The following DUOXA2 variants were observed in gnomAD, a reference collection of about 807,000 sequenced individuals.
DUOXA2 encodes dual oxidase maturation factor 2.
DUOXA2 carries 22 observed loss-of-function variants against 27.6 expected under a neutral mutation model. The observed-to-expected ratio is 0.80, with a 90% CI of 0.57 to 1.14. DUOXA2 has a LOEUF of 1.14. Among genes scored for constraint, DUOXA2 ranks in the 50% most tolerant of loss-of-function variants. The probability of loss-of-function intolerance (pLI) is 0.00; values close to 1 mark genes in which losing one functional copy is unlikely to be tolerated. For missense variants in DUOXA2, 481 were observed against 419.9 expected (o/e 1.15, Z -1.27); for synonymous variants, 188 against 184.4 (o/e 1.02, Z -0.16).
At position 45,117,223 on chromosome 15, in the gene DUOXA2, C is replaced by A. The variant is rs750248863; in HGVS notation, c.687C>A (p.Ser229Arg). The A allele has an allele frequency of 1.2e-6, 2 of 1,610,228 alleles. No individual in the cohort carries two copies. The highest frequency in any genetic ancestry group is 3.3e-5 in the Admixed American group (2 of 59,992). ...TCTTCGCCTTGGCCTCCATCTCTAGCGTGCCGCTCTGCCCGCTCCGCCTAG... is the reference window on the plus strand; with the variant it reads ...TCTTCGCCTTGGCCTCCATCTCTAGAGTGCCGCTCTGCCCGCTCCGCCTAG... The part of the protein sequence containing the change: ...FGVFALASIS[S>R]VPLCPLRLGS... The change falls in exon 5 of 6, where the codon AGC (serine) becomes AGA (arginine). Residue 229 changes from serine to arginine, a missense_variant. Transcript: ENST00000323030.
chr15:45,116,871 GT>G, intron 4 of DUOXA2, 142 bp downstream of exon 4: 1 of 1,056,530 alleles, frequency 9.5e-7, no homozygotes, highest in Non-Finnish European at 1.3e-6. Context: ...AGCCTCGCGG[GT>G]TAGAAGATCC....
chr15:45,117,292 C>A lies in DUOXA2; in HGVS notation c.756C>A (p.Val252=). The A allele has an allele frequency of 1.3e-6, 2 of 1,597,478 alleles. No individual in the cohort carries two copies. The highest frequency in any genetic ancestry group is 8.5e-7 in the Non-Finnish European group (1 of 1,169,856). Residue 252 remains valine, a synonymous_variant, in exon 5 of 6, where the codon GTC becomes GTA. Transcript: ENST00000323030. The part of the protein sequence containing the change: ...LTTQYGAAFW[V]TLATGVLCLF... ...CTCAGTACGGCGCCGCCTTCTGGGTCACGCTGGCAACCGGTGAGGACCGAG... is the reference window on the plus strand; with the variant it reads ...CTCAGTACGGCGCCGCCTTCTGGGTAACGCTGGCAACCGGTGAGGACCGAG...
chr15:45,116,355 G>A lies in DUOXA2; in HGVS notation c.340+97G>A, dbSNP rs2141165565. On this transcript the variant is annotated intron_variant, in intron 3 of 5. Coordinates refer to ENST00000323030, the MANE Select transcript of DUOXA2 (RefSeq NM_207581.4). ...CTGGAGGGCCTCTCACATCCCACAA[G>A]CTCAAATAGCTTGTGGTCCTCGTGG... 6 of 1,581,990 alleles carry A rather than the reference G, an allele frequency of 3.8e-6. No individual in the cohort carries two copies. In the East Asian group the frequency reaches 1.3e-4, roughly 36 times the overall value.
At chr15:45,116,787 T>A in intron 4 of DUOXA2, 58 bp downstream of exon 4, 2 of 1,584,552 alleles carry the variant, frequency 1.3e-6, no homozygotes, top group Non-Finnish European at 8.6e-7. Flanking sequence ...CTGGGCCGTA[T>A]GAGCGGGAGG....
intron 5 of DUOXA2, 47 bp from the exon 6 acceptor site, chr15:45,117,669 G>T: frequency 1.2e-6 from 2 of 1,613,838 alleles, no homozygotes; most frequent in African/African-American, 2.7e-5. Context: ...GGGCAACATA[G>T]CCCTGACTCC....
At chr15:45,116,069 T>C in intron 2 of DUOXA2, 55 bp from the exon 3 acceptor site, 2 of 1,612,994 alleles carry the variant, frequency 1.2e-6, no homozygotes, top group Non-Finnish European at 1.7e-6. Context: ...CATACCACTC[T>C]CTAATTCCAT....
In DUOXA2 at chr15:45,117,083, C is replaced by T. The variant is rs752670233; in HGVS notation, c.555-8C>T. 6.3e-7 allele frequency: 1 copy of T among 1,597,956 alleles called. No homozygotes were observed. The highest frequency in any genetic ancestry group is 1.3e-5 in the African/African-American group (1 of 74,914). On this transcript the variant is annotated splice_region_variant and splice_polypyrimidine_tract_variant and intron_variant, in intron 4 of 5. Transcript: ENST00000323030. ...CCGCTCACAGCGGGTCCCCCCACTC[C>T]CCGGCAGGGTGGCGTTCTGCTTCTG...
intron 1 of DUOXA2, 120 bp from the exon 2 acceptor site, chr15:45,115,679 C>T: frequency 8.2e-7 from 1 of 1,225,722 alleles, no homozygotes; most frequent in Admixed American, 1.9e-5. Context: ...AAAAGCGTGC[C>T]TAACATTAGT....
chr15:45,117,793 G>A lies in DUOXA2; in HGVS notation c.847G>A (p.Asp283Asn), dbSNP rs772697087. The part of the protein sequence containing the change: ...VRPSALRTLL[D>N]QSAKDCSQER... ...GCCCAGCGCTCTTCGCACCCTTCTG[G>A]ACCAAAGCGCCAAGGACTGCAGCCA... is the stretch of plus-strand genomic sequence containing the variant. The change falls in exon 6 of 6, where the codon GAC becomes AAC. Residue 283 changes from aspartate to asparagine, a missense_variant. Coordinates refer to ENST00000323030, the MANE Select transcript of DUOXA2 (RefSeq NM_207581.4). 7.4e-6 allele frequency: 12 copies of A among 1,613,972 alleles called. No homozygotes were observed. The highest frequency in any genetic ancestry group is 3.3e-4 in the Middle Eastern group (2 of 6,062).
At position 45,114,528 on chromosome 15, in the gene DUOXA2, G is replaced by A; in HGVS notation, c.-78G>A. The A allele has an allele frequency of 1.9e-6, 3 of 1,590,462 alleles. No individual in the cohort carries two copies. The highest frequency in any genetic ancestry group is 1.1e-5 in the South Asian group (1 of 89,350). The stretch of plus-strand genomic sequence containing the variant: ...TTGTACGCAAAGAGACGCCAAGGAC[G>A]CGCTCTCCCGCGTCCAGGCAGCCCC... On this transcript the variant is annotated 5_prime_UTR_variant, in exon 1 of 6. Transcript: ENST00000323030.
Position 45,114,417 on chromosome 15 carries a change from C to T in DUOXA2, c.-189C>T. 7.1e-6 allele frequency: 5 copies of T among 699,620 alleles called. No individual in the cohort carries two copies. In the South Asian group the frequency reaches 8.8e-5, roughly 12 times the overall value. The allele number at this position is 699,620 out of a possible 1,614,324, so 43.3% of individuals were successfully genotyped here. A position where few individuals can be genotyped will look rare whatever the true frequency, so the allele number is the denominator to read the frequency against. ...TAGAAAAACTCTGTCGGTACCAACCCCAGAGCGTTGAGAGCAGCCCACCTC... is the reference window on the plus strand; with the variant it reads ...TAGAAAAACTCTGTCGGTACCAACCTCAGAGCGTTGAGAGCAGCCCACCTC... On this transcript the variant is annotated 5_prime_UTR_variant, in exon 1 of 6. Coordinates refer to ENST00000323030, the MANE Select transcript of DUOXA2 (RefSeq NM_207581.4).
rs535825448 is a variant in DUOXA2, at chr15:45,117,660, G to A, written c.770-56G>A. On this transcript the variant is annotated intron_variant, in intron 5 of 5. Coordinates refer to ENST00000323030, the MANE Select transcript of DUOXA2 (RefSeq NM_207581.4). The stretch of plus-strand genomic sequence containing the variant: ...GAGGCCAGAGTTCGAGACCAGCCTG[G>A]GCAACATAGCCCTGACTCCACATGC... 3.4e-5 allele frequency: 55 copies of A among 1,613,668 alleles called. No individual in the cohort carries two copies. Among genetic ancestry groups the A allele is most frequent in the Non-Finnish European group, 4.3e-5 (51 of 1,179,912 alleles).
rs1312429918 is a variant in DUOXA2, at chr15:45,116,561, A to G, written c.386A>G (p.Gln129Arg). The G allele has an allele frequency of 4.3e-6, 7 of 1,614,062 alleles. No homozygotes were observed. The highest frequency in any genetic ancestry group is 1.6e-4 in the Middle Eastern group (1 of 6,062). ...AACGAGACCATTGACTACAACGAGC[A>G]GTTCACCTGGCGTCTGAAAGAGAAT... ...QLNETIDYNE[Q>R]FTWRLKENYA... Residue 129 changes from glutamine to arginine, a missense_variant, in exon 4 of 6, where the codon CAG (glutamine) becomes CGG (arginine). Coordinates refer to ENST00000323030, the MANE Select transcript of DUOXA2 (RefSeq NM_207581.4).
rs1407305017 is a variant in DUOXA2 at position 45,115,852 on chromosome 15, TGTGG to T, written c.205_205+3del. On this transcript the variant is annotated frameshift_variant and splice_region_variant, in exon 2 of 6. Coordinates refer to ENST00000323030, the MANE Select transcript of DUOXA2 (RefSeq NM_207581.4). LOFTEE classifies it high-confidence loss of function. ...TCAGTCTGTTCATAGGCGCAGAAATTGTGGGTGAGTGTGTGGTGCAGCCCATGGG... is the reference window on the plus strand; with the variant it reads ...TCAGTCTGTTCATAGGCGCAGAAATTGTGAGTGTGTGGTGCAGCCCATGGG... 1 of 1,613,954 alleles carries T rather than the reference TGTGG, an allele frequency of 6.2e-7. No homozygotes were observed. Among genetic ancestry groups the T allele is most frequent in the East Asian group, 2.2e-5 (1 of 44,868 alleles).
At chr15:45,116,427 A>G (rs1426735120) in intron 3 of DUOXA2, 89 bp from the exon 4 acceptor site, 1 of 1,568,172 alleles carries the variant, frequency 6.4e-7, no homozygotes, top group African/African-American at 1.4e-5. Flanking sequence ...TCCCGCCGAG[A>G]GCGCCACACC....
rs1414238963 is a variant in DUOXA2 at position 45,118,138 on chromosome 15, C to T, written c.*229C>T. 8 of 1,440,306 alleles carry T rather than the reference C, an allele frequency of 5.6e-6. No individual in the cohort carries two copies. In the African/African-American group the frequency reaches 1.0e-4, roughly 18 times the overall value. The allele number at this position is 1,440,306 out of a possible 1,614,324, so 89.2% of individuals were successfully genotyped here. A position where few individuals can be genotyped will look rare whatever the true frequency, so the allele number is the denominator to read the frequency against. Reference sequence around the variant, plus strand: ...TTCCCATTAATTTTCATGGCTTCTCCGCGCCGGGGTCGCACGTCCTCATGA... The same window carrying T: ...TTCCCATTAATTTTCATGGCTTCTCTGCGCCGGGGTCGCACGTCCTCATGA... On this transcript the variant is annotated 3_prime_UTR_variant, in exon 6 of 6. Transcript: ENST00000323030.
At position 45,116,680 on chromosome 15, in the gene DUOXA2, C is replaced by T. The variant is rs755863345; in HGVS notation, c.505C>T (p.Leu169=). ...EKFTPSSPCG[L]YHQYHLAGHY... is the part of the protein sequence containing the mutation. ...GTTCACACCGAGTAGCCCTTGCGGC[C>T]TGTACCACCAGTACCACCTGGCGGG... Residue 169 remains leucine (L), a synonymous_variant, in exon 4 of 6, where the codon CTG becomes TTG. Transcript: ENST00000323030. The T allele has an allele frequency of 6.2e-7, 1 of 1,613,772 alleles. No homozygotes were observed. Among genetic ancestry groups the T allele is most frequent in the Admixed American group, 1.7e-5 (1 of 60,034 alleles).
chr15:45,116,594 C>CG lies in DUOXA2; in HGVS notation c.421dup (p.Glu141GlyfsTer25), dbSNP rs748675680. On this transcript the variant is annotated frameshift_variant, in exon 4 of 6. Transcript: ENST00000323030. LOFTEE classifies it high-confidence loss of function. ...TGGCGTCTGAAAGAGAATTACGCCG[C>CG]GGAGTACGCGAACGCACTGGAGAAG... is the stretch of plus-strand genomic sequence containing the variant. The CG allele has an allele frequency of 1.2e-6, 2 of 1,613,882 alleles. No homozygotes were observed. Among genetic ancestry groups the CG allele is most frequent in the African/African-American group, 2.7e-5 (2 of 74,946 alleles).
rs752133621 is a variant in DUOXA2 at position 45,117,800 on chromosome 15, G to T, written c.854G>T (p.Ser285Ile). Residue 285 changes from serine (S) to isoleucine (I), a missense_variant, in exon 6 of 6, where the codon AGC becomes ATC. Ser to Ile is a moderately radical substitution (Grantham distance 142, BLOSUM62 -2). Transcript: ENST00000323030. ...GCTCTTCGCACCCTTCTGGACCAAAGCGCCAAGGACTGCAGCCAGGAGAGA... is the reference window on the plus strand; with the variant it reads ...GCTCTTCGCACCCTTCTGGACCAAATCGCCAAGGACTGCAGCCAGGAGAGA... Reference protein sequence around the residue: ...PSALRTLLDQSAKDCSQERGG... With the variant: ...PSALRTLLDQIAKDCSQERGG... 15 of 1,613,844 alleles carry T rather than the reference G, an allele frequency of 9.3e-6. No individual in the cohort carries two copies. Among genetic ancestry groups the T allele is most frequent in the Non-Finnish European group, 1.2e-5 (14 of 1,180,068 alleles).
Sources: allele counts gnomAD v4.1 joint callset, GRCh38; gene constraint gnomAD v4.1.1; transcripts MANE v1.5; gene names NCBI Gene and HGNC (gene_info 2026-07-23, HGNC 2026-07-21).